PHF24: variants seen among roughly 807,000 people sequenced by gnomAD.
PHF24 encodes PHD finger protein 24, also known as Galpha inhibitory interacting protein.
Under a neutral mutation model 42.6 loss-of-function variants are expected in PHF24, and 25 were observed. The observed-to-expected ratio is 0.59, with a 90% CI of 0.43 to 0.82. PHF24 has a LOEUF of 0.82. Ranked by LOEUF, PHF24 falls within the 40% of genes least tolerant of loss-of-function variation. The pLI, the probability that PHF24 is intolerant of heterozygous loss-of-function variation, is 0.00. For missense variants in PHF24, 470 were observed against 538.1 expected (o/e 0.87, Z 1.25); for synonymous variants, 185 against 204.8 (o/e 0.90, Z 0.83).
the PHF24 span, among the ~76,000 whole-genome samples, chr9:34,694,142 A>ACGGG: frequency 1.4e-4 from 18 of 130,868 alleles, no homozygotes; most frequent in African/African-American, 5.1e-4. Context: ...CCTCCCTTCC[A>ACGGG]CGGGTCTATC....
At chr9:34,830,997 C>A in the PHF24 span, among the ~76,000 whole-genome samples, 2 of 152,164 alleles carry the variant, frequency 1.3e-5, no homozygotes, top group Non-Finnish European at 1.5e-5. Context: ...AGAGTCCCAC[C>A]ACCTCAGTTA....
At chr9:34,879,803 C>T in the PHF24 span, among the ~76,000 whole-genome samples, 2 of 152,222 alleles carry the variant, frequency 1.3e-5, no homozygotes, top group South Asian at 4.2e-4. Context: ...AGAACTTCCC[C>T]AATCTAGCAA....
At chr9:34,875,726 T>A in the PHF24 span, among the ~76,000 whole-genome samples, 1 of 151,990 alleles carries the variant, frequency 6.6e-6, no homozygotes, top group South Asian at 2.1e-4. Context: ...TGTGTTCAGT[T>A]TTACATTCTT....
At chr9:34,967,439 G>T (rs1340386985) in intron 1 of PHF24, among the ~76,000 whole-genome samples, 1 of 152,128 alleles carries the variant, frequency 6.6e-6, no homozygotes, top group African/African-American at 2.4e-5. Context: ...TGTCTACAGG[G>T]TTATCACAAA....
upstream of PHF24, among the ~76,000 whole-genome samples, chr9:34,958,117 C>T (rs1826434515): frequency 6.7e-6 from 1 of 149,034 alleles, no homozygotes. This position sits in a 1 kb window ranked among gnomAD's most constrained non-coding sequence, Gnocchi z 4.5. Context: ...CTCCTGGAGG[C>T]GCAAGAGGAC....
the PHF24 span, among the ~76,000 whole-genome samples, chr9:34,721,979 T>C: frequency 1.3e-5 from 2 of 152,164 alleles, no homozygotes; most frequent in Non-Finnish European, 2.9e-5. Flanking sequence ...TCCTTTACTT[T>C]CCAGTTTCTT....
At chr9:34,874,082 AAGG>A in the PHF24 span, among the ~76,000 whole-genome samples, 130 of 152,288 alleles carry the variant, frequency 8.5e-4, 1 homozygote, top group South Asian at 1.5e-3. Flanking sequence ...TTATCAGCTT[AAGG>A]AGATTTTGGG....
the PHF24 span, among the ~76,000 whole-genome samples, chr9:34,868,475 G>T: frequency 5.3e-5 from 8 of 152,168 alleles, no homozygotes; most frequent in African/African-American, 1.7e-4. Flanking sequence ...CCCTTTCAGA[G>T]ATTTCTTTTA....
chr9:34,712,778 G>A, the PHF24 span, among the ~76,000 whole-genome samples: 402 of 151,706 alleles, frequency 2.6e-3, 1 homozygote, highest in African/African-American at 9.5e-3. Flanking sequence ...AATTTAATTT[G>A]AGGTCATAAT....
the PHF24 span, among the ~76,000 whole-genome samples, chr9:34,854,051 T>C: frequency 0.28 from 42,709 of 151,966 alleles, 7,462 homozygotes; most frequent in East Asian, 0.54. Flanking sequence ...CTAGATCTTC[T>C]AGTTTATGTG....
At chr9:34,826,120 C>G in the PHF24 span, among the ~76,000 whole-genome samples, 1,110 of 152,226 alleles carry the variant, frequency 7.3e-3, 17 homozygotes, top group African/African-American at 0.025. Context: ...CTGGATCTCA[C>G]TGGCCTCTTC....
the PHF24 span, among the ~76,000 whole-genome samples, chr9:34,929,210 C>T: frequency 1.3e-5 from 2 of 152,186 alleles, no homozygotes; most frequent in Non-Finnish European, 2.9e-5. Flanking sequence ...CTTTTTATTT[C>T]ACCTCCTCTG....
At chr9:34,831,776 G>A in the PHF24 span, among the ~76,000 whole-genome samples, 170 of 152,222 alleles carry the variant, frequency 1.1e-3, no homozygotes, top group African/African-American at 4.0e-3. Flanking sequence ...ATTCCAGGAG[G>A]CTTTCATTTC....
chr9:34,685,993 C>T, the PHF24 span, among the ~76,000 whole-genome samples: 8 of 152,188 alleles, frequency 5.3e-5, no homozygotes, highest in Non-Finnish European at 8.8e-5. Flanking sequence ...GCGACTTAAC[C>T]TCTGTACCTC....
chr9:34,752,405 G>A, the PHF24 span, among the ~76,000 whole-genome samples: 17 of 152,022 alleles, frequency 1.1e-4, no homozygotes, highest in African/African-American at 4.1e-4. Flanking sequence ...GCTACTAGGG[G>A]CAACTATATG....
chr9:34,940,202 A>G, the PHF24 span, among the ~76,000 whole-genome samples: 3 of 152,126 alleles, frequency 2.0e-5, no homozygotes, highest in African/African-American at 7.2e-5. Context: ...TAGGGGAGCT[A>G]AAAGCAGACT....
rs1826490767 is a variant in PHF24 at position 34,958,896 on chromosome 9, A to C, written c.-5+495A>C. Among the ~76,000 whole-genome samples the C allele has an allele frequency of 6.6e-6, 1 of 152,122 alleles. No homozygotes were observed. The highest frequency in any genetic ancestry group is 1.5e-5 in the Non-Finnish European group (1 of 67,998). Reference sequence around the variant, plus strand: ...CTGGGGAGGGGGATCCTCCCATGGGATCCATGAGTGACTTCCCACGGCTCC... The same window carrying C: ...CTGGGGAGGGGGATCCTCCCATGGGCTCCATGAGTGACTTCCCACGGCTCC... On this transcript the variant is annotated intron_variant, in intron 1 of 7. Transcript: ENST00000242315. This position sits in a 1 kb window ranked among gnomAD's most constrained non-coding sequence, Gnocchi z 4.5.
At chr9:34,826,634 C>G in the PHF24 span, among the ~76,000 whole-genome samples, 1 of 152,232 alleles carries the variant, frequency 6.6e-6, no homozygotes, top group Non-Finnish European at 1.5e-5. Context: ...AGAAGCCACC[C>G]TCCTCCCACT....
chr9:34,837,613 C>A, the PHF24 span: 1 of 1,436,260 alleles, frequency 7.0e-7, no homozygotes, highest in African/African-American at 1.4e-5. Flanking sequence ...ATAGGAAACA[C>A]CCACAGTGGA....
Sources: gnomAD v4.1 joint callset for allele counts (sites outside exome capture counted in the v4.1 genomes callset) on GRCh38, gnomAD v4.1.1 for gene constraint, Gnocchi (gnomAD v3.1) non-coding constraint, MANE v1.5 for transcripts, NCBI Gene and HGNC (gene_info 2026-07-23, HGNC 2026-07-21) for gene names.